The following XPA variants were observed in gnomAD, a reference collection of about 807,000 sequenced individuals.
XPA encodes XPA, DNA damage recognition and repair factor.
Under a neutral mutation model 35.7 loss-of-function variants are expected in XPA, and 27 were observed. The observed-to-expected ratio is 0.76, with a 90% CI of 0.56 to 1.04. XPA has a LOEUF of 1.04. Ranked by LOEUF, XPA falls within the 50% of genes least tolerant of loss-of-function variation. The pLI is 0.00. For synonymous variants in XPA, 133 were observed against 118.4 expected (o/e 1.12, Z -0.80); for missense variants, 354 against 342.7 (o/e 1.03, Z -0.26).
intron 1 of XPA, among the ~76,000 whole-genome samples, chr9:97,696,270 T>C (rs2131409633): frequency 6.6e-6 from 1 of 152,350 alleles, no homozygotes; most frequent in South Asian, 2.1e-4. Context: ...ATGTACTTCA[T>C]GTTATAGAGG....
At chr9:97,659,714 T>C in the XPA span, among the ~76,000 whole-genome samples, 4 of 152,222 alleles carry the variant, frequency 2.6e-5, no homozygotes. Context: ...TTTTGAGTTT[T>C]GTCCTGTACT....
chr9:97,694,850 AC>A (rs1271092649), intron 1 of XPA, among the ~76,000 whole-genome samples: 1 of 152,210 alleles, frequency 6.6e-6, no homozygotes, highest in African/African-American at 2.4e-5. Context: ...AGTGGAAACA[AC>A]CCAAATAGCC....
the XPA span, chr9:97,661,112 C>T: frequency 1.9e-6 from 3 of 1,600,284 alleles, no homozygotes; most frequent in East Asian, 2.2e-5. Flanking sequence ...ATGTATAGGC[C>T]AACTTAAAGC....
chr9:97,677,734 G>T (rs1828411560), intron 5 of XPA, among the ~76,000 whole-genome samples: 1 of 150,010 alleles, frequency 6.7e-6, no homozygotes, highest in Non-Finnish European at 1.5e-5. Context: ...ATTTAAAAAT[G>T]GATAGGTTTG....
chr9:97,690,221 G>GT (rs911783981), intron 2 of XPA, among the ~76,000 whole-genome samples: 6 of 151,756 alleles, frequency 4.0e-5, no homozygotes, highest in African/African-American at 1.2e-4. Context: ...TACTTTTTTT[G>GT]TTTTTTTGAA....
intron 4 of XPA, among the ~76,000 whole-genome samples, 169 bp downstream of exon 4, chr9:97,686,927 A>C (rs7851783): frequency 5.9e-5 from 9 of 152,318 alleles, no homozygotes; most frequent in Admixed American, 2.0e-4. Context: ...GAAAAAAGCA[A>C]AATGAGAAAA....
At chr9:97,694,296 G>A (rs1828979480) in intron 1 of XPA, among the ~76,000 whole-genome samples, 1 of 152,192 alleles carries the variant, frequency 6.6e-6, no homozygotes, top group African/African-American at 2.4e-5. Flanking sequence ...TTCATATTTT[G>A]GGCCATGGTT....
At chr9:97,666,515 A>C in the XPA span, among the ~76,000 whole-genome samples, 1 of 152,208 alleles carries the variant, frequency 6.6e-6, no homozygotes, top group Non-Finnish European at 1.5e-5. Flanking sequence ...AGGGATGGAA[A>C]TAAGAAAAAT....
At chr9:97,675,915 G>A (rs1308415089) in intron 5 of XPA, 9 of 301,886 alleles carry the variant, frequency 3.0e-5, no homozygotes, top group Non-Finnish European at 5.0e-5. Flanking sequence ...ATTCAGGTAC[G>A]TTTGACTTCA....
At chr9:97,672,779 ATAG>A (rs1828230716), downstream of XPA, 5 of 164,688 alleles carry the variant, frequency 3.0e-5, no homozygotes, top group Admixed American at 3.1e-4. Context: ...TACTTATTAA[ATAG>A]TAAATATATT....
At chr9:97,674,853 T>C, downstream of XPA, 1 of 406,846 alleles carries the variant, frequency 2.5e-6, no homozygotes, top group Middle Eastern at 7.8e-4. Context: ...TTTAAAAAGC[T>C]ATCTAGACTA....
downstream of XPA, chr9:97,671,306 T>A: frequency 1.3e-6 from 1 of 799,108 alleles, no homozygotes; most frequent in Non-Finnish European, 2.0e-6. Flanking sequence ...TTTCACTTCT[T>A]AAAGGAAACA....
the XPA span, among the ~76,000 whole-genome samples, chr9:97,665,862 A>G: frequency 6.6e-6 from 1 of 151,908 alleles, no homozygotes; most frequent in Admixed American, 6.6e-5. Context: ...AACGTAGTCA[A>G]TTAACACATA....
At chr9:97,682,251 A>G (rs41274256) in intron 5 of XPA, 8,481 of 516,888 alleles carry the variant, frequency 0.016, 154 homozygotes, top group Non-Finnish European at 0.019. Flanking sequence ...CAAAATCAGA[A>G]GACCAAGAGG....
At chr9:97,675,698 T>G in intron 5 of XPA, 111 bp from the exon 6 acceptor site, 1 of 1,285,882 alleles carries the variant, frequency 7.8e-7, no homozygotes, top group Non-Finnish European at 1.1e-6. Flanking sequence ...CTATGTGTAT[T>G]TAAACCATAT....
chr9:97,680,733 A>G (rs897809923), intron 5 of XPA, among the ~76,000 whole-genome samples: 3 of 152,226 alleles, frequency 2.0e-5, no homozygotes, highest in African/African-American at 7.2e-5. Flanking sequence ...GCAGAAATCA[A>G]CTACCTACTG....
the XPA span, among the ~76,000 whole-genome samples, chr9:97,656,246 G>A: frequency 6.6e-6 from 1 of 152,198 alleles, no homozygotes; most frequent in Admixed American, 6.5e-5. Context: ...AGGCAACCAT[G>A]CCATATAGAT....
chr9:97,668,234 C>CT, the XPA span, among the ~76,000 whole-genome samples: 79 of 152,158 alleles, frequency 5.2e-4, no homozygotes, highest in Non-Finnish European at 1.0e-3. Context: ...ACCTCTCAGC[C>CT]TTTTTTCTCT....
At chr9:97,689,265 C>CAAA (rs1030317346) in intron 3 of XPA, among the ~76,000 whole-genome samples, 1 of 150,546 alleles carries the variant, frequency 6.6e-6, no homozygotes, top group Non-Finnish European at 1.5e-5. Flanking sequence ...AAAACAAAAA[C>CAAA]AAAAAAAAAC....
Sources: gnomAD v4.1 joint callset for allele counts (sites outside exome capture counted in the v4.1 genomes callset) on GRCh38, gnomAD v4.1.1 for gene constraint, MANE v1.5 for transcripts, NCBI Gene and HGNC (gene_info 2026-07-23, HGNC 2026-07-21) for gene names.